The following ZIM2 variants were observed in gnomAD, a reference collection of about 807,000 sequenced individuals.
The protein encoded by ZIM2 is zinc finger protein 656.
A neutral mutation model predicts 38.6 loss-of-function variants in ZIM2; 14 were observed. That is an observed-to-expected ratio of 0.36 (90% CI 0.24 to 0.57). The LOEUF (loss-of-function observed/expected upper bound fraction) is 0.57. Among genes scored for constraint, ZIM2 ranks in the 20% least tolerant of loss-of-function variants. ZIM2 has a pLI of 0.81. For missense variants in ZIM2, 680 were observed against 695.1 expected (o/e 0.98, Z 0.24); for synonymous variants, 247 against 245.8 (o/e 1.00, Z -0.04).
intron 10 of ZIM2, among the ~76,000 whole-genome samples, chr19:56,786,066 C>G (rs1323531810): frequency 6.6e-6 from 1 of 152,120 alleles, no homozygotes; most frequent in Non-Finnish European, 1.5e-5. Flanking sequence ...TACCCCAAGC[C>G]CTAGGCAACC....
chr19:56,813,821 C>G (rs1258554070), intron 9 of ZIM2: 1 of 1,614,144 alleles, frequency 6.2e-7, no homozygotes, highest in Admixed American at 1.7e-5. Context: ...CCTGAGCACT[C>G]CCCAAAGGCA....
intron 2 of ZIM2, among the ~76,000 whole-genome samples, chr19:56,835,130 T>A (rs577418479): frequency 6.6e-6 from 1 of 152,042 alleles, no homozygotes; most frequent in African/African-American, 2.4e-5. Context: ...CAAGCCACCA[T>A]CTCTCACCCA....
At chr19:56,806,391 C>T (rs1028045160) in intron 9 of ZIM2, among the ~76,000 whole-genome samples, 5 of 152,152 alleles carry the variant, frequency 3.3e-5, no homozygotes, top group African/African-American at 1.2e-4. Flanking sequence ...CCAGTTCCTA[C>T]CATTATTTCT....
chr19:56,821,633 G>C lies in ZIM2; in HGVS notation c.294+18C>G, dbSNP rs773694123. 1 of 1,612,194 alleles carries C rather than the reference G, an allele frequency of 6.2e-7. No individual in the cohort carries two copies. Among genetic ancestry groups the C allele is most frequent in the Non-Finnish European group, 8.5e-7 (1 of 1,179,256 alleles). On this transcript the variant is annotated intron_variant, in intron 7 of 12. Coordinates refer to ENST00000629319, the MANE Select transcript of ZIM2 (RefSeq NM_001387356.1). ...AATGAAGATGGCCTTTCTAGAAAGAGAGGAAACCTGAGCATACCTGAGATC... is the reference window on the plus strand; with the variant it reads ...AATGAAGATGGCCTTTCTAGAAAGACAGGAAACCTGAGCATACCTGAGATC...
At chr19:56,817,712 T>C (rs771947855) in intron 9 of ZIM2, 34 bp downstream of exon 9, 1 of 1,588,222 alleles carries the variant, frequency 6.3e-7, no homozygotes, top group South Asian at 1.1e-5. Context: ...TCACTGGTTG[T>C]GTGGCTCCTC....
intron 9 of ZIM2, chr19:56,791,019 C>G (rs1437418703): frequency 6.6e-6 from 1 of 151,982 alleles, no homozygotes; most frequent in Non-Finnish European, 1.5e-5. Flanking sequence ...CTCGGTAAAC[C>G]CTTCATTAAT....
intron 12 of ZIM2, among the ~76,000 whole-genome samples, chr19:56,778,657 C>T (rs935937052): frequency 4.6e-5 from 7 of 152,338 alleles, no homozygotes; most frequent in African/African-American, 7.2e-5. Flanking sequence ...GATGACTTCA[C>T]TGGGTCCCTG....
rs151151291 is a variant in ZIM2 at position 56,822,927 on chromosome 19, G to A, written c.107-91C>T. 6.7e-6 allele frequency: 10 copies of A among 1,497,654 alleles called. No individual in the cohort carries two copies. The East Asian group carries it at 2.0e-4, about 29-fold the overall frequency. The allele number at this position is 1,497,654 out of a possible 1,614,324, so 92.8% of individuals were successfully genotyped here. ...CACAAACACCCCTCTGGAAAGAGAT[G>A]CTACCCTCTTCCCACAAGGAGATGG... On this transcript the variant is annotated intron_variant, in intron 5 of 12. Coordinates refer to ENST00000629319, the MANE Select transcript of ZIM2 (RefSeq NM_001387356.1).
rs145307367 is a variant in ZIM2, at chr19:56,803,504, G to A, written c.491-13553C>T. Among the ~76,000 whole-genome samples, 983 of 152,284 alleles carry A rather than the reference G, an allele frequency of 6.5e-3. 9 individuals carry two copies. Among genetic ancestry groups the A allele is most frequent in the African/African-American group, 0.022 (926 of 41,554 alleles). On this transcript the variant is annotated intron_variant, in intron 9 of 12. Coordinates refer to ENST00000629319, the MANE Select transcript of ZIM2 (RefSeq NM_001387356.1). ...CAGAGCTTGTTGCTCTAACCCAGGC[G>A]TTAGAGTTTGGGGAAGGGAAAGTCC...
chr19:56,786,204 G>A (rs770082483), intron 10 of ZIM2, among the ~76,000 whole-genome samples: 3 of 152,082 alleles, frequency 2.0e-5, no homozygotes, highest in Admixed American at 2.0e-4. Context: ...TGTCTGTGCT[G>A]TACACATAAG....
chr19:56,817,417 G>A (rs756792919), intron 9 of ZIM2: 5 of 1,613,998 alleles, frequency 3.1e-6, no homozygotes, highest in Middle Eastern at 1.6e-4. Context: ...TGACATTCTG[G>A]GGAATCTCTG....
At chr19:56,829,325 C>T (rs1411467749) in intron 2 of ZIM2, among the ~76,000 whole-genome samples, 2 of 133,466 alleles carry the variant, frequency 1.5e-5, no homozygotes, top group Non-Finnish European at 3.1e-5. Context: ...GCCTGGGCAA[C>T]AGAGCGAGAC....
At chr19:56,777,307 G>C (rs1288833607) in intron 12 of ZIM2, among the ~76,000 whole-genome samples, 1 of 152,216 alleles carries the variant, frequency 6.6e-6, no homozygotes, top group African/African-American at 2.4e-5. Context: ...GGAAGAGTAA[G>C]AGAACACCTA....
chr19:56,778,785 A>G (rs78848745), intron 12 of ZIM2, among the ~76,000 whole-genome samples: 1 of 152,126 alleles, frequency 6.6e-6, no homozygotes, highest in African/African-American at 2.4e-5. Context: ...GCCGCTGCAC[A>G]TGGTGACCCA....
intron 9 of ZIM2, chr19:56,816,530 G>C: frequency 6.2e-7 from 1 of 1,613,728 alleles, no homozygotes; most frequent in Non-Finnish European, 8.5e-7. Context: ...GATGAGCTAT[G>C]AAGGAAAGTC....
intron 7 of ZIM2, among the ~76,000 whole-genome samples, chr19:56,819,197 A>C (rs2060252810): frequency 6.6e-6 from 1 of 152,190 alleles, no homozygotes; most frequent in Non-Finnish European, 1.5e-5. Context: ...AACAGAAAGA[A>C]GACACACACA....
chr19:56,824,716 G>A, intron 3 of ZIM2: 1 of 1,478,668 alleles, frequency 6.8e-7, no homozygotes, highest in Non-Finnish European at 9.2e-7. Flanking sequence ...AGACGCGGCA[G>A]CCTGTGACCG....
Position 56,826,867 on chromosome 19 carries a change from T to C in ZIM2, c.-226-404A>G, listed in dbSNP as rs117127990. Reference sequence around the variant, plus strand: ...CTAACATTCCCTTATGTAAGATCTATACACATATATATGCTTCTATTCTGT... The same window carrying C: ...CTAACATTCCCTTATGTAAGATCTACACACATATATATGCTTCTATTCTGT... On this transcript the variant is annotated intron_variant, in intron 2 of 12. Transcript: ENST00000629319. Among the ~76,000 whole-genome samples the C allele has an allele frequency of 1.0e-3, 152 of 152,338 alleles. 2 individuals carry two copies. In the East Asian group the frequency reaches 0.027, roughly 27 times the overall value.
rs148623284 is a variant in ZIM2, at chr19:56,784,408, A to G, written c.571-2287T>C. Among the ~76,000 whole-genome samples the G allele has an allele frequency of 5.4e-3, 830 of 152,350 alleles. 6 individuals carry two copies. Among genetic ancestry groups the G allele is most frequent in the African/African-American group, 0.019 (792 of 41,578 alleles). On this transcript the variant is annotated intron_variant, in intron 10 of 12. Transcript: ENST00000629319. ...TTAAAAGAGAAATGTTACCTGATTC[A>G]GTATAAGAAAATTGAATTTAGTTGT...
Sources: allele counts gnomAD v4.1 joint callset (sites outside exome capture counted in the v4.1 genomes callset), GRCh38; gene constraint gnomAD v4.1.1; transcripts MANE v1.5; gene names NCBI Gene and HGNC (gene_info 2026-07-23, HGNC 2026-07-21).